COL5A1: variants seen among roughly 807,000 people sequenced by gnomAD.
COL5A1 encodes the protein collagen type V alpha 1 chain.
A neutral mutation model predicts 263.7 loss-of-function variants in COL5A1; 16 were observed. The observed-to-expected ratio is 0.06, with a 90% CI of 0.04 to 0.09. COL5A1 has a LOEUF of 0.09. Among genes scored for constraint, COL5A1 ranks in the 10% least tolerant of loss-of-function variants. The pLI, the probability that COL5A1 is intolerant of heterozygous loss-of-function variation, is 1.00. For missense variants in COL5A1, 2,036 were observed against 2,540.5 expected (o/e 0.80, Z 4.27); for synonymous variants, 1,012 against 1,004.5 (o/e 1.01, Z -0.14).
chr9:134,746,230 C>T (rs996494876), intron 11 of COL5A1, among the ~76,000 whole-genome samples: 9 of 152,174 alleles, frequency 5.9e-5, no homozygotes, highest in South Asian at 2.1e-4. Context: ...TGCCCAGGGT[C>T]GGGCCTGGAC....
chr9:134,800,798 G>T (rs1369272143), intron 37 of COL5A1, among the ~76,000 whole-genome samples: 1 of 145,296 alleles, frequency 6.9e-6, no homozygotes, highest in African/African-American at 2.5e-5. Flanking sequence ...GTGGGTTCAT[G>T]TGGCCCCGTG....
Position 134,794,136 on chromosome 9 carries a change from G to A in COL5A1, c.2701-946G>A, listed in dbSNP as rs1352036822. Among the ~76,000 whole-genome samples, 5 of 152,116 alleles carry A rather than the reference G, an allele frequency of 3.3e-5. No homozygotes were observed. Among genetic ancestry groups the A allele is most frequent in the African/African-American group, 1.2e-4 (5 of 41,398 alleles). ...AGGTCAAGAGATCGAGACCATCCTT[G>A]CCAACATGGTGAAACCCTGTCTCTA... On this transcript the variant is annotated intron_variant, in intron 32 of 65. Coordinates refer to ENST00000371817, the MANE Select transcript of COL5A1 (RefSeq NM_000093.5). This position sits in a 1 kb window ranked among gnomAD's most constrained non-coding sequence, Gnocchi z 4.3.
intron 1 of COL5A1, among the ~76,000 whole-genome samples, chr9:134,645,267 G>A (rs1040696023): frequency 3.9e-5 from 6 of 152,288 alleles, no homozygotes; most frequent in Admixed American, 1.3e-4. Flanking sequence ...CCACCGCCAC[G>A]CCTCAGCCGA....
At chr9:134,651,046 C>T (rs747457531) in intron 1 of COL5A1, among the ~76,000 whole-genome samples, 1 of 152,230 alleles carries the variant, frequency 6.6e-6, no homozygotes. Flanking sequence ...GGCGTGGCTC[C>T]GCTCCCTCCT....
rs930562434 is a variant in COL5A1 at position 134,717,212 on chromosome 9, C to T, written c.655-10054C>T. ...CCTCGTGGAGAAGGGGCACCGGTGG[C>T]GTCCGGCCAGGCTGCTCTGGCAGTG... On this transcript the variant is annotated intron_variant, in intron 4 of 65. Coordinates refer to ENST00000371817, the MANE Select transcript of COL5A1 (RefSeq NM_000093.5). Among the ~76,000 whole-genome samples, 9 of 152,200 alleles carry T rather than the reference C, an allele frequency of 5.9e-5. No individual in the cohort carries two copies. In the South Asian group the frequency reaches 6.2e-4, roughly 11 times the overall value.
rs1008730372 is a variant in COL5A1, at chr9:134,842,803, G to A, written c.*500G>A. ...CTCCGTTTTTAACAACCTCCAACAC[G>A]ATCCATTTAGAGGCCAAATGTCATT... On this transcript the variant is annotated 3_prime_UTR_variant, in exon 66 of 66. Coordinates refer to ENST00000371817, the MANE Select transcript of COL5A1 (RefSeq NM_000093.5). The surrounding 1 kb of genome is among the most constrained non-coding windows in gnomAD (Gnocchi z 5.8). 4 of 186,236 alleles carry A rather than the reference G, an allele frequency of 2.1e-5. No homozygotes were observed. The highest frequency in any genetic ancestry group is 1.1e-4 in the Admixed American group (2 of 18,272). The allele number at this position is 186,236 out of a possible 1,614,324, so 11.5% of individuals were successfully genotyped here. A position where few individuals can be genotyped will look rare whatever the true frequency, so the allele number is the denominator to read the frequency against.
Position 134,780,722 on chromosome 9 carries a change from A to G in COL5A1, c.2430+576A>G, listed in dbSNP as rs573972269. Among the ~76,000 whole-genome samples, 6 of 152,324 alleles carry G rather than the reference A, an allele frequency of 3.9e-5. No homozygotes were observed. The South Asian group carries it at 1.2e-3, about 32-fold the overall frequency. On this transcript the variant is annotated intron_variant, in intron 28 of 65. Coordinates refer to ENST00000371817, the MANE Select transcript of COL5A1 (RefSeq NM_000093.5). ...CCCATGCATGCCTGCCAGAGTCAGA[A>G]GCTTGGGTGCAGCCTGCAGCGGCGA... is the stretch of plus-strand genomic sequence containing the variant.
At chr9:134,710,206 C>T (rs1181655521) in intron 4 of COL5A1, among the ~76,000 whole-genome samples, 2 of 152,220 alleles carry the variant, frequency 1.3e-5, no homozygotes, top group Non-Finnish European at 2.9e-5. Context: ...CGGCCCGCCC[C>T]GTGCTCACTC....
intron 25 of COL5A1, among the ~76,000 whole-genome samples, chr9:134,772,019 C>G (rs1268491046): frequency 6.6e-6 from 1 of 152,110 alleles, no homozygotes; most frequent in East Asian, 1.9e-4. Context: ...TAGTACAGGC[C>G]CAGGCAGGCA....
intron 25 of COL5A1, 54 bp downstream of exon 25, chr9:134,768,517 G>A (rs555387709): frequency 3.2e-5 from 49 of 1,555,196 alleles, no homozygotes; most frequent in Admixed American, 6.7e-5. Flanking sequence ...TCCACCCTGC[G>A]GATAGGGCTG....
chr9:134,774,949 G>A, intron 27 of COL5A1, 37 bp downstream of exon 27: 1 of 1,598,292 alleles, frequency 6.3e-7, no homozygotes, highest in Non-Finnish European at 8.6e-7. Context: ...TCGTCCTGGA[G>A]GTCAGGGTTG....
chr9:134,805,235 C>T (rs1241906876), intron 41 of COL5A1, 21 bp downstream of exon 41: 32 of 1,613,444 alleles, frequency 2.0e-5, no homozygotes, highest in Non-Finnish European at 2.5e-5. Context: ...GCCTTTGTCC[C>T]ATCCTCTTTC....
chr9:134,832,769 G>T (rs1004824220), intron 64 of COL5A1: 1 of 152,236 alleles, frequency 6.6e-6, no homozygotes, highest in Non-Finnish European at 1.5e-5. Flanking sequence ...TCGTGGCTGC[G>T]TCTGAAAGCG....
chr9:134,768,620 G>C (rs969760582), intron 25 of COL5A1, among the ~76,000 whole-genome samples, 157 bp downstream of exon 25: 2 of 152,214 alleles, frequency 1.3e-5, no homozygotes, highest in Admixed American at 1.3e-4. Context: ...TGGACTGCTC[G>C]GTCATTCTTG....
chr9:134,770,818 T>C (rs1368309928), intron 25 of COL5A1, among the ~76,000 whole-genome samples: 5 of 152,262 alleles, frequency 3.3e-5, no homozygotes, highest in Non-Finnish European at 5.9e-5. Context: ...AAAGCGGCCC[T>C]GCCCGGCTTT....
intron 11 of COL5A1, among the ~76,000 whole-genome samples, chr9:134,744,185 G>C (rs1835388757): frequency 6.6e-6 from 1 of 152,158 alleles, no homozygotes; most frequent in African/African-American, 2.4e-5. Context: ...CCTGTGGATG[G>C]GACACGCCAA....
intron 63 of COL5A1, among the ~76,000 whole-genome samples, chr9:134,828,498 CACCACACAT>C (rs1327809376): frequency 2.8e-4 from 42 of 151,178 alleles, no homozygotes; most frequent in Non-Finnish European, 4.9e-4. Flanking sequence ...ACAGGCCACA[CACCACACAT>C]ACCACACAGA....
intron 4 of COL5A1, among the ~76,000 whole-genome samples, chr9:134,713,378 G>A (rs1308065265): frequency 6.6e-6 from 1 of 152,200 alleles, no homozygotes; most frequent in Non-Finnish European, 1.5e-5. Context: ...CCACAGCAGG[G>A]CTGTGTGCGC....
chr9:134,744,676 C>T (rs1835428290), intron 11 of COL5A1, among the ~76,000 whole-genome samples: 1 of 152,046 alleles, frequency 6.6e-6, no homozygotes, highest in South Asian at 2.1e-4. Context: ...CATGCACACA[C>T]ATTCACACAT....
Sources: gnomAD v4.1 joint callset for allele counts (sites outside exome capture counted in the v4.1 genomes callset) on GRCh38, gnomAD v4.1.1 for gene constraint, Gnocchi (gnomAD v3.1) non-coding constraint, MANE v1.5 for transcripts, NCBI Gene and HGNC (gene_info 2026-07-23, HGNC 2026-07-21) for gene names.